Variants in MALRD1 observed in about 807,000 individuals in gnomAD.
MALRD1 encodes MAM and LDL receptor class A domain containing 1.
In MALRD1, 247 loss-of-function variants were observed where a neutral mutation model predicts 242.1. The ratio of observed to expected loss-of-function variants is 1.02; its 90% CI spans 0.92 to 1.13. MALRD1 has a LOEUF of 1.13. Ranked by LOEUF, MALRD1 falls within the 50% of genes most tolerant of loss-of-function variation. MALRD1 has a pLI of 0.00. For synonymous variants in MALRD1, 995 were observed against 866.6 expected, an observed-to-expected ratio of 1.15 and a Z score of -2.60; for missense variants, 2,989 against 2,533.1, an observed-to-expected ratio of 1.18 and a Z score of -3.86.
intron 14 of MALRD1, among the ~76,000 whole-genome samples, chr10:19,181,587 G>A (rs530741210): frequency 1.1e-4 from 17 of 152,256 alleles, no homozygotes; most frequent in African/African-American, 3.9e-4. Flanking sequence ...CGGAGGATAC[G>A]ATGTAACAGA....
intron 1 of MALRD1, among the ~76,000 whole-genome samples, chr10:19,062,957 G>T (rs1834865535): frequency 6.6e-6 from 1 of 152,110 alleles, no homozygotes; most frequent in Non-Finnish European, 1.5e-5. Context: ...ATTAGCCTGA[G>T]TAACATGGCA....
chr10:19,355,526 T>A (rs1844584208), intron 26 of MALRD1, among the ~76,000 whole-genome samples: 1 of 92,478 alleles, frequency 1.1e-5, no homozygotes, highest in African/African-American at 4.8e-5. Flanking sequence ...ACTGAATGCC[T>A]TTATTTCTCT....
At chr10:19,209,702 A>G in intron 18 of MALRD1, 22 bp downstream of exon 18, 1 of 1,507,130 alleles carries the variant, frequency 6.6e-7, no homozygotes, top group Non-Finnish European at 8.9e-7. Context: ...AGATTTTATA[A>G]TGTACATTTG....
intron 19 of MALRD1, among the ~76,000 whole-genome samples, chr10:19,265,252 C>G (rs1839924138): frequency 6.6e-6 from 1 of 151,608 alleles, no homozygotes; most frequent in Admixed American, 6.6e-5. Flanking sequence ...TTCCTTCTTT[C>G]TATTAATTTG....
At chr10:19,094,122 A>T (rs1400494781) in intron 4 of MALRD1, among the ~76,000 whole-genome samples, 1 of 110,638 alleles carries the variant, frequency 9.0e-6, no homozygotes, top group Non-Finnish European at 1.9e-5. Flanking sequence ...GGCTCCACCC[A>T]GTTGGAGCTT....
intron 18 of MALRD1, among the ~76,000 whole-genome samples, chr10:19,214,680 T>A (rs1475308672): frequency 6.6e-6 from 1 of 152,214 alleles, no homozygotes; most frequent in Admixed American, 6.5e-5. Context: ...TCCTGGGAAC[T>A]TAACAATGTC....
intron 28 of MALRD1, among the ~76,000 whole-genome samples, chr10:19,399,813 C>T (rs1846755183): frequency 6.6e-6 from 1 of 152,116 alleles, no homozygotes; most frequent in Non-Finnish European, 1.5e-5. Flanking sequence ...TTCTTTACAT[C>T]TTCTAAAGAA....
chr10:19,151,615 G>A (rs533258986), intron 11 of MALRD1, among the ~76,000 whole-genome samples: 55 of 152,176 alleles, frequency 3.6e-4, no homozygotes, highest in Non-Finnish European at 6.2e-4. Context: ...TCTCTCAGAG[G>A]AAAAGCTGTC....
At position 19,495,027 on chromosome 10, in the gene MALRD1, A is replaced by T. The variant is rs183658692; in HGVS notation, c.5158+3382A>T. The stretch of plus-strand genomic sequence containing the variant: ...AGTCTTGCTTTGTCACCCAGGTTGG[A>T]GTGAAGTGGCATAATCTCAGCTCAC... On this transcript the variant is annotated intron_variant, in intron 30 of 39. Transcript: ENST00000454679. Among the ~76,000 whole-genome samples the T allele has an allele frequency of 1.9e-4, 29 of 150,538 alleles. No individual in the cohort carries two copies. In the East Asian group the frequency reaches 5.7e-3, roughly 29 times the overall value.
At chr10:19,456,503 T>C (rs1277127407) in intron 29 of MALRD1, among the ~76,000 whole-genome samples, 2 of 152,136 alleles carry the variant, frequency 1.3e-5, no homozygotes, top group African/African-American at 2.4e-5. Flanking sequence ...AAAACAGTGA[T>C]TGCTTTATAT....
intron 8 of MALRD1, among the ~76,000 whole-genome samples, chr10:19,131,891 T>A (rs1833123528): frequency 6.6e-6 from 1 of 152,214 alleles, no homozygotes; most frequent in South Asian, 2.1e-4. Flanking sequence ...TTTTTTACAT[T>A]AACACCTGTG....
At chr10:19,218,623 G>A (rs1383609585) in intron 18 of MALRD1, among the ~76,000 whole-genome samples, 1 of 152,040 alleles carries the variant, frequency 6.6e-6, no homozygotes. Flanking sequence ...AAGCAGAAAG[G>A]AGTTATTTGG....
intron 5 of MALRD1, among the ~76,000 whole-genome samples, chr10:19,120,054 C>A (rs1837006952): frequency 6.6e-6 from 1 of 151,802 alleles, no homozygotes; most frequent in South Asian, 2.1e-4. Context: ...AAATTTTGGG[C>A]CTGAGGTATA....
At chr10:19,709,816 GTGTGC>G (rs1834025582) in intron 38 of MALRD1, among the ~76,000 whole-genome samples, 1 of 152,180 alleles carries the variant, frequency 6.6e-6, no homozygotes, top group African/African-American at 2.4e-5. Flanking sequence ...AACTTTATCT[GTGTGC>G]TGGTCTTAAC....
intron 17 of MALRD1, 52 bp from the exon 18 acceptor site, chr10:19,209,216 C>T: frequency 7.2e-6 from 10 of 1,387,358 alleles, no homozygotes; most frequent in South Asian, 1.5e-5. Context: ...AATGTGGTTG[C>T]ATGTATTTTT....
At chr10:19,651,162 G>A (rs1448996038) in intron 36 of MALRD1, among the ~76,000 whole-genome samples, 1 of 152,170 alleles carries the variant, frequency 6.6e-6, no homozygotes, top group African/African-American at 2.4e-5. Flanking sequence ...AAAGAATTTA[G>A]TTACTATCTT....
intron 32 of MALRD1, among the ~76,000 whole-genome samples, chr10:19,548,106 TCTC>T (rs1835323464): frequency 6.7e-6 from 1 of 148,550 alleles, no homozygotes. Flanking sequence ...TTCAGGCAAT[TCTC>T]CTGCCTCAGC....
chr10:19,657,262 T>C (rs1841200523), intron 36 of MALRD1, among the ~76,000 whole-genome samples: 1 of 152,202 alleles, frequency 6.6e-6, no homozygotes, highest in African/African-American at 2.4e-5. Flanking sequence ...TTTACACTAA[T>C]TGAATTTTTA....
chr10:19,540,479 A>T (rs147386932), intron 32 of MALRD1, among the ~76,000 whole-genome samples: 1 of 152,312 alleles, frequency 6.6e-6, no homozygotes, highest in Non-Finnish European at 1.5e-5. Flanking sequence ...GAACCAATGA[A>T]ATATGGTGCA....
Sources: gnomAD v4.1 joint callset for allele counts (sites outside exome capture counted in the v4.1 genomes callset) on GRCh38, gnomAD v4.1.1 for gene constraint, MANE v1.5 for transcripts, NCBI Gene and HGNC (gene_info 2026-07-23, HGNC 2026-07-21) for gene names.